The following NDUFAF4 variants were observed in gnomAD, a reference collection of about 807,000 sequenced individuals.
The protein encoded by NDUFAF4 is NADH dehydrogenase [ubiquinone] 1 alpha subcomplex assembly factor 4.
Under a neutral mutation model 15.6 loss-of-function variants are expected in NDUFAF4, and 10 were observed. That is an observed-to-expected ratio of 0.64 (90% CI 0.40 to 1.09). The LOEUF is 1.09. Among genes scored for constraint, NDUFAF4 ranks in the 50% least tolerant of loss-of-function variants. The probability of loss-of-function intolerance (pLI) is 0.01; values close to 1 mark genes in which losing one functional copy is unlikely to be tolerated. For synonymous variants in NDUFAF4, 77 were observed against 73.3 expected, an observed-to-expected ratio of 1.05 and a Z score of -0.26; for missense variants, 203 against 207.3, an observed-to-expected ratio of 0.98 and a Z score of 0.13.
chr6:96,897,407 G>T (rs1258543389), intron 1 of NDUFAF4, among the ~76,000 whole-genome samples: 1 of 152,212 alleles, frequency 6.6e-6, no homozygotes, highest in Non-Finnish European at 1.5e-5. Context: ...AGCAGCCGGC[G>T]AGGGCCTGGT....
rs41288596 is a variant in NDUFAF4 at position 96,890,717 on chromosome 6, G to A, written c.*387C>T. Reference sequence around the variant, plus strand: ...CAGGAAAGCTTTTACTTTCACTATCGCATGAGAAGAATGAACTAAACACCT... The same window carrying A: ...CAGGAAAGCTTTTACTTTCACTATCACATGAGAAGAATGAACTAAACACCT... On this transcript the variant is annotated 3_prime_UTR_variant, in exon 3 of 3. Coordinates refer to ENST00000316149, the MANE Select transcript of NDUFAF4 (RefSeq NM_014165.4). 0.037 allele frequency: 6,652 copies of A among 181,838 alleles called. 163 individuals are homozygous for A. The highest frequency in any genetic ancestry group is 0.082 in the Middle Eastern group (32 of 392). The allele number at this position is 181,838 out of a possible 1,614,324, so 11.3% of individuals were successfully genotyped here.
intron 2 of NDUFAF4, among the ~76,000 whole-genome samples, chr6:96,892,628 A>T (rs1775328959): frequency 6.6e-6 from 1 of 152,080 alleles, no homozygotes; most frequent in African/African-American, 2.4e-5. Context: ...ATAGTATCTC[A>T]CTACATCTGA....
Position 96,890,883 on chromosome 6 carries a change from C to T in NDUFAF4, c.*221G>A, listed in dbSNP as rs995109151. On this transcript the variant is annotated 3_prime_UTR_variant, in exon 3 of 3. Transcript: ENST00000316149. ...AAAGGTACAGATGTGCTCAGTCATG[C>T]TGACATGCACTTATGAAATATGCCT... 6 of 488,252 alleles carry T rather than the reference C, an allele frequency of 1.2e-5. No homozygotes were observed. The Admixed American group carries it at 1.7e-4, about 14-fold the overall frequency. 30.2% of individuals were successfully genotyped at this position (488,252 alleles called of 1,614,324 possible). A position where few individuals can be genotyped will look rare whatever the true frequency, so the allele number is the denominator to read the frequency against.
At chr6:96,895,797 C>T (rs1437452014) in intron 2 of NDUFAF4, among the ~76,000 whole-genome samples, 1 of 152,114 alleles carries the variant, frequency 6.6e-6, no homozygotes, top group East Asian at 1.9e-4. Context: ...TATTTCTCCT[C>T]TGTAGTGAAA....
rs1775309607 is a variant in NDUFAF4 at position 96,891,136 on chromosome 6, G to T, written c.496C>A (p.Pro166Thr). Residue 166 changes from proline to threonine, a missense_variant, in exon 3 of 3, where the codon CCT (proline) becomes ACT (threonine). By Grantham distance (38) the Pro-to-Thr change is conservative. Coordinates refer to ENST00000316149, the MANE Select transcript of NDUFAF4 (RefSeq NM_014165.4). ...FVTFEVEIFP[P>T]EDKKAIRSK ...GATCGTATTGCTTTCTTGTCTTCAG[G>T]AGGGAAGATTTCGACTTCAAAAGTA... The T allele has an allele frequency of 1.2e-6, 2 of 1,612,982 alleles. No homozygotes were observed. The highest frequency in any genetic ancestry group is 1.7e-6 in the Non-Finnish European group (2 of 1,179,542).
In NDUFAF4 at chr6:96,897,699, A is replaced by AT; in HGVS notation, c.102_103insA (p.Ser35IlefsTer11). 1 of 1,614,164 alleles carries AT rather than the reference A, an allele frequency of 6.2e-7. No homozygotes were observed. The highest frequency in any genetic ancestry group is 8.5e-7 in the Non-Finnish European group (1 of 1,180,006). The stretch of plus-strand genomic sequence containing the variant: ...TGCTCTCGCAGGAGGCTGTTGGTAG[A>AT]GGGGTGTCTGGGAGCGACAGAGGGC... On this transcript the variant is annotated frameshift_variant, in exon 1 of 3. Coordinates refer to ENST00000316149, the MANE Select transcript of NDUFAF4 (RefSeq NM_014165.4). LOFTEE classifies it high-confidence loss of function.
At position 96,891,295 on chromosome 6, in the gene NDUFAF4, T is replaced by C; in HGVS notation, c.337A>G (p.Lys113Glu). 1 of 1,613,888 alleles carries C rather than the reference T, an allele frequency of 6.2e-7. No homozygotes were observed. Among genetic ancestry groups the C allele is most frequent in the Non-Finnish European group, 8.5e-7 (1 of 1,179,880 alleles). ...MINIKSIPKG[K>E]ISIVEALTLL... is the part of the protein sequence containing the mutation. ...GTCAATGCTTCTACAATGGAAATTT[T>C]GCCTTTGGGAATGCTCTTAATATTT... is the stretch of plus-strand genomic sequence containing the variant. The change falls in exon 3 of 3, where the codon AAA becomes GAA. Residue 113 changes from lysine (K) to glutamate (E), a missense_variant. Physicochemically the swap from Lys to Glu is moderately conservative, Grantham distance 56. Coordinates refer to ENST00000316149, the MANE Select transcript of NDUFAF4 (RefSeq NM_014165.4).
At position 96,889,369 on chromosome 6, in the gene NDUFAF4, A is replaced by T. The variant is rs1054876993; in HGVS notation, c.*1735T>A. On this transcript the variant is annotated 3_prime_UTR_variant, in exon 3 of 3. Coordinates refer to ENST00000316149, the MANE Select transcript of NDUFAF4 (RefSeq NM_014165.4). ...ATGTGACACCACATAACAGATGCCT[A>T]ACCACACAATGTAGATATGAATAAA... 6.6e-6 allele frequency: 1 copy of T among 152,210 alleles called. No individual in the cohort carries two copies. The highest frequency in any genetic ancestry group is 1.5e-5 in the Non-Finnish European group (1 of 68,032). 9.4% of individuals were successfully genotyped at this position (152,210 alleles called of 1,614,324 possible). A position where few individuals can be genotyped will look rare whatever the true frequency, so the allele number is the denominator to read the frequency against.
intron 2 of NDUFAF4, among the ~76,000 whole-genome samples, chr6:96,895,849 A>G (rs1299276625): frequency 6.6e-6 from 1 of 152,144 alleles, no homozygotes; most frequent in African/African-American, 2.4e-5. Flanking sequence ...CCAGAGAGAG[A>G]GGGACAGTAC....
At chr6:96,893,088 C>T (rs1775334136) in intron 2 of NDUFAF4, among the ~76,000 whole-genome samples, 1 of 152,108 alleles carries the variant, frequency 6.6e-6, no homozygotes, top group African/African-American at 2.4e-5. Flanking sequence ...TGAGATTATA[C>T]TTGCACCTCC....
At position 96,890,952 on chromosome 6, in the gene NDUFAF4, GAA is replaced by G; in HGVS notation, c.*150_*151del. 1 of 710,768 alleles carries G rather than the reference GAA, an allele frequency of 1.4e-6. No individual in the cohort carries two copies. 44.0% of individuals were successfully genotyped at this position (710,768 alleles called of 1,614,324 possible). A position where few individuals can be genotyped will look rare whatever the true frequency, so the allele number is the denominator to read the frequency against. On this transcript the variant is annotated 3_prime_UTR_variant, in exon 3 of 3. Coordinates refer to ENST00000316149, the MANE Select transcript of NDUFAF4 (RefSeq NM_014165.4). ...ACAAAAGATATTCTATGGCAATCTTGAAAAGTCAGGGAGCTCAATAAATATTA... is the reference window on the plus strand; with the variant it reads ...ACAAAAGATATTCTATGGCAATCTTGAAGTCAGGGAGCTCAATAAATATTA...
At chr6:96,893,395 C>T (rs1207055304) in intron 2 of NDUFAF4, among the ~76,000 whole-genome samples, 1 of 152,106 alleles carries the variant, frequency 6.6e-6, no homozygotes, top group African/African-American at 2.4e-5. Flanking sequence ...AAAATAAGGG[C>T]CTTTACGATC....
At position 96,897,532 on chromosome 6, in the gene NDUFAF4, C is replaced by T. The variant is rs1360578633; in HGVS notation, c.136+134G>A. 6 of 1,348,554 alleles carry T rather than the reference C, an allele frequency of 4.4e-6. No homozygotes were observed. The African/African-American group carries it at 8.7e-5, about 20-fold the overall frequency. 83.5% of individuals were successfully genotyped at this position (1,348,554 alleles called of 1,614,324 possible). On this transcript the variant is annotated intron_variant, in intron 1 of 2. Transcript: ENST00000316149. ...CCGGCCTGGCGGCTCCCCCTTCCAA[C>T]GCTCCGCCAACCCGAGCGGCTGCGG...
chr6:96,895,857 T>G (rs1775364112), intron 2 of NDUFAF4, among the ~76,000 whole-genome samples: 2 of 152,128 alleles, frequency 1.3e-5, no homozygotes, highest in African/African-American at 4.8e-5. Flanking sequence ...AGAGGGACAG[T>G]ACCAGAATAT....
intron 2 of NDUFAF4, among the ~76,000 whole-genome samples, chr6:96,892,248 G>A (rs1582311644): frequency 6.6e-6 from 1 of 151,902 alleles, no homozygotes; most frequent in East Asian, 1.9e-4. Context: ...ATAAACTAAC[G>A]CCTCCAATAC....
At chr6:96,897,546 G>C in intron 1 of NDUFAF4, 120 bp downstream of exon 1, 1 of 1,436,460 alleles carries the variant, frequency 7.0e-7, no homozygotes, top group Non-Finnish European at 9.5e-7. Flanking sequence ...CCGCCAACCC[G>C]AGCGGCTGCG....
At chr6:96,891,502 T>G (rs1252611794) in intron 2 of NDUFAF4, 111 bp from the exon 3 acceptor site, 14 of 1,167,756 alleles carry the variant, frequency 1.2e-5, no homozygotes, top group Admixed American at 2.1e-5. Context: ...ATGGTTTGGA[T>G]CTGTGTCCCC....
intron 2 of NDUFAF4, among the ~76,000 whole-genome samples, chr6:96,894,102 A>G (rs530714828): frequency 6.6e-6 from 1 of 152,336 alleles, no homozygotes; most frequent in East Asian, 1.9e-4. Context: ...CCTGAAGTCA[A>G]CTACAGACCA....
intron 2 of NDUFAF4, among the ~76,000 whole-genome samples, chr6:96,891,864 G>T (rs1011340255): frequency 4.6e-5 from 7 of 151,916 alleles, no homozygotes; most frequent in African/African-American, 1.7e-4. Context: ...ATCAGTGCAA[G>T]AATGGATTAA....
Sources: allele counts gnomAD v4.1 joint callset (sites outside exome capture counted in the v4.1 genomes callset), GRCh38; gene constraint gnomAD v4.1.1; transcripts MANE v1.5; gene names NCBI Gene and HGNC (gene_info 2026-07-23, HGNC 2026-07-21).